Variants in POLE observed in about 807,000 individuals in gnomAD.
POLE encodes DNA polymerase epsilon, catalytic subunit, also known as DNA polymerase epsilon catalytic subunit A.
Under a neutral mutation model 279.2 loss-of-function variants are expected in POLE, and 188 were observed. The observed-to-expected ratio is 0.67, with a 90% CI of 0.60 to 0.76. POLE has a LOEUF of 0.76. Ranked by LOEUF, POLE falls within the 30% of genes least tolerant of loss-of-function variation. The probability of loss-of-function intolerance (pLI) is 0.00; values close to 1 mark genes in which losing one functional copy is unlikely to be tolerated. For synonymous variants in POLE, 1,214 were observed against 1,172.5 expected (o/e 1.04, Z -0.72); for missense variants, 2,703 against 3,016.7 (o/e 0.90, Z 2.44).
chr12:132,657,480 A>G, intron 27 of POLE, 51 bp from the exon 28 acceptor site: 1 of 1,474,352 alleles, frequency 6.8e-7, no homozygotes, highest in Non-Finnish European at 9.5e-7. Context: ...AGCAGCCAAG[A>G]GTGGGGCTCA....
intron 42 of POLE, among the ~76,000 whole-genome samples, chr12:132,635,004 C>T (rs5745001): frequency 0.67 from 101,551 of 151,590 alleles, 34,834 homozygotes; most frequent in African/African-American, 0.81. Context: ...CTCCCAGAAG[C>T]GTCTGCGTCC....
chr12:132,679,848 C>T (rs775283956), intron 5 of POLE, 106 bp downstream of exon 5: 73 of 990,396 alleles, frequency 7.4e-5, no homozygotes, highest in Non-Finnish European at 1.0e-4. Flanking sequence ...CACACCGCCC[C>T]ATCACCCAAC....
chr12:132,658,199 T>A (rs1454219170), intron 26 of POLE: 5 of 477,224 alleles, frequency 1.0e-5, no homozygotes, highest in Non-Finnish European at 1.9e-5. Flanking sequence ...CATGTCTACA[T>A]GTTCCTCACA....
intron 23 of POLE, among the ~76,000 whole-genome samples, chr12:132,663,023 C>A (rs2042713392): frequency 6.6e-6 from 1 of 152,246 alleles, no homozygotes; most frequent in Admixed American, 6.5e-5. Flanking sequence ...CAGGAAACCT[C>A]AGGCGTAACT....
In POLE at chr12:132,627,448, C is replaced by T. The variant is rs534642591; in HGVS notation, c.6331-1131G>A. ...CCCAGTAGCTGGGACGACAGGCATG[C>T]GCCACCATGCCCAGGTAATGTTTGT... On this transcript the variant is annotated intron_variant, in intron 45 of 48. Transcript: ENST00000320574. Among the ~76,000 whole-genome samples the T allele has an allele frequency of 7.9e-5, 12 of 152,210 alleles. No individual in the cohort carries two copies. In the South Asian group the frequency reaches 1.9e-3, roughly 24 times the overall value.
intron 27 of POLE, 38 bp downstream of exon 27, chr12:132,657,830 G>T (rs376815064): frequency 7.2e-7 from 1 of 1,389,240 alleles, no homozygotes; most frequent in South Asian, 1.2e-5. Flanking sequence ...AGCTTTCCTT[G>T]TAAACTTTTA....
chr12:132,659,111 T>C (rs2042618492), intron 26 of POLE, among the ~76,000 whole-genome samples, 184 bp downstream of exon 26: 1 of 152,130 alleles, frequency 6.6e-6, no homozygotes, highest in South Asian at 2.1e-4. Flanking sequence ...TGGACACTTA[T>C]GCCATCCCCA....
Position 132,636,039 on chromosome 12 carries a change from T to C in POLE, c.5679-15A>G, listed in dbSNP as rs749515529. The C allele has an allele frequency of 7.5e-6, 12 of 1,606,982 alleles. No homozygotes were observed. Among genetic ancestry groups the C allele is most frequent in the African/African-American group, 1.3e-5 (1 of 74,544 alleles). ...TTGAATGGATGCTGCAGAGGAAGCA[T>C]TGAAGACGCTGCTTCAGTGAAATCG... On this transcript the variant is annotated splice_polypyrimidine_tract_variant and intron_variant, in intron 41 of 48. Transcript: ENST00000320574.
intron 41 of POLE, 37 bp downstream of exon 41, chr12:132,637,977 G>A (rs1013166842): frequency 6.2e-7 from 1 of 1,608,494 alleles, no homozygotes; most frequent in South Asian, 1.1e-5. Flanking sequence ...CCCTCTCAAA[G>A]CCACAGTGCT....
chr12:132,669,794 G>A (rs1418776722), intron 16 of POLE, among the ~76,000 whole-genome samples: 1 of 152,208 alleles, frequency 6.6e-6, no homozygotes, highest in Non-Finnish European at 1.5e-5. Context: ...GTGGCTGTGA[G>A]CCCCTGCTGA....
rs527818353 is a variant in POLE, at chr12:132,665,026, G to A, written c.2468+276C>T. On this transcript the variant is annotated intron_variant, in intron 21 of 48. Coordinates refer to ENST00000320574, the MANE Select transcript of POLE (RefSeq NM_006231.4). ...AGGATCCACGCTGGGAGACATGAAC[G>A]CGCTGGAAAATGGCAAGTCGTGTCT... Among the ~76,000 whole-genome samples the A allele has an allele frequency of 6.7e-4, 102 of 152,098 alleles. 1 individual carries two copies. The highest frequency in any genetic ancestry group is 2.4e-3 in the African/African-American group (98 of 41,484).
intron 16 of POLE, among the ~76,000 whole-genome samples, chr12:132,671,680 A>G (rs1271172927): frequency 7.0e-4 from 16 of 22,710 alleles, no homozygotes; most frequent in African/African-American, 4.1e-3. Context: ...CAAAAAGGGA[A>G]AAAAAAAAAA....
chr12:132,687,203 A>T, intron 1 of POLE, 51 bp downstream of exon 1: 2 of 1,280,412 alleles, frequency 1.6e-6, no homozygotes, highest in Non-Finnish European at 2.1e-6. Flanking sequence ...GGACGGCCCC[A>T]TGGCACCCTC....
chr12:132,627,153 T>C (rs1240473149), intron 45 of POLE, among the ~76,000 whole-genome samples: 1 of 152,010 alleles, frequency 6.6e-6, no homozygotes, highest in East Asian at 1.9e-4. Context: ...TGGTGGCGGG[T>C]GCACCTGTGA....
intron 43 of POLE, chr12:132,633,974 G>A (rs1172698898): frequency 6.1e-6 from 3 of 490,510 alleles, no homozygotes; most frequent in Non-Finnish European, 3.6e-6. Context: ...AGGCTGGAGG[G>A]AAGACAGTCA....
intron 45 of POLE, among the ~76,000 whole-genome samples, chr12:132,628,372 G>A (rs1307971026): frequency 6.6e-6 from 1 of 151,898 alleles, no homozygotes; most frequent in East Asian, 1.9e-4. Context: ...GCTGGGCGTG[G>A]TGGCTTGTGC....
At chr12:132,673,429 A>G in intron 13 of POLE, 146 bp downstream of exon 13, 1 of 1,292,052 alleles carries the variant, frequency 7.7e-7, no homozygotes, top group East Asian at 2.3e-5. Flanking sequence ...CCGGAGACAC[A>G]GCCTGCTGGG....
intron 16 of POLE, 33 bp downstream of exon 16, chr12:132,672,182 C>CA (rs769337041): frequency 2.2e-5 from 32 of 1,482,118 alleles, no homozygotes; most frequent in Non-Finnish European, 2.9e-5. Flanking sequence ...GCGCCAAACA[C>CA]AGACTGGCTC....
Position 132,680,687 on chromosome 12 carries a change from T to C in POLE, c.205A>G (p.Thr69Ala), listed in dbSNP as rs773435807. 4.3e-6 allele frequency: 7 copies of C among 1,611,806 alleles called. No homozygotes were observed. The highest frequency in any genetic ancestry group is 3.3e-5 in the Admixed American group (2 of 60,020). The change falls in exon 3 of 49, where the codon ACC becomes GCC. Residue 69 changes from threonine (T) to alanine (A), a missense_variant and splice_region_variant. Thr to Ala is a moderately conservative substitution (Grantham distance 58). Coordinates refer to ENST00000320574, the MANE Select transcript of POLE (RefSeq NM_006231.4). Reference sequence around the variant, plus strand: ...CGCTTATCTTCATCTAAAATCTCGGTCTACAAGAGAATCAGTCAACACAGA... The same window carrying C: ...CGCTTATCTTCATCTAAAATCTCGGCCTACAAGAGAATCAGTCAACACAGA... ...KTGWLINMHP[T>A]EILDEDKRLG...
Sources: gnomAD v4.1 joint callset for allele counts (sites outside exome capture counted in the v4.1 genomes callset) on GRCh38, gnomAD v4.1.1 for gene constraint, MANE v1.5 for transcripts, NCBI Gene and HGNC (gene_info 2026-07-23, HGNC 2026-07-21) for gene names.